The following NXNL2 variants were observed in gnomAD, a reference collection of about 807,000 sequenced individuals.
The protein encoded by NXNL2 is nucleoredoxin-like protein 2.
NXNL2 carries 7 observed loss-of-function variants against 11.1 expected under a neutral mutation model. The ratio of observed to expected loss-of-function variants is 0.63; its 90% CI spans 0.36 to 1.18. The LOEUF (loss-of-function observed/expected upper bound fraction) is 1.18. Among genes scored for constraint, NXNL2 ranks in the 50% most tolerant of loss-of-function variants. The probability of loss-of-function intolerance (pLI) is 0.02; values close to 1 mark genes in which losing one functional copy is unlikely to be tolerated. For synonymous variants in NXNL2, 109 were observed against 101.8 expected, an observed-to-expected ratio of 1.07 and a Z score of -0.42; for missense variants, 233 against 217.7, an observed-to-expected ratio of 1.07 and a Z score of -0.44.
chr9:88,535,178 A>C lies in NXNL2; in HGVS notation c.-257A>C. 1.9e-6 allele frequency: 1 copy of C among 519,960 alleles called. No individual in the cohort carries two copies. The highest frequency in any genetic ancestry group is 3.4e-6 in the Non-Finnish European group (1 of 298,334). 32.2% of individuals were successfully genotyped at this position (519,960 alleles called of 1,614,324 possible). On this transcript the variant is annotated 5_prime_UTR_variant, in exon 1 of 2. Coordinates refer to ENST00000375854, the MANE Select transcript of NXNL2 (RefSeq NM_001161625.2). ...AGGTTGCCTGGCTGGCCCCGCTCCC[A>C]GAGGCGGGTGCCGCGCTGTCGCCCA...
chr9:88,564,281 TC>T (rs1173378762), intron 1 of NXNL2, among the ~76,000 whole-genome samples: 3,704 of 126,214 alleles, frequency 0.029, 126 homozygotes, highest in East Asian at 0.089. Context: ...TATCTATCTA[TC>T]TATTATCTAT....
chr9:88,535,723 G>T lies in NXNL2; in HGVS notation c.289G>T (p.Asp97Tyr). 6.3e-7 allele frequency: 1 copy of T among 1,578,548 alleles called. No homozygotes were observed. The highest frequency in any genetic ancestry group is 2.2e-5 in the East Asian group (1 of 44,564). Residue 97 changes from aspartate (D) to tyrosine (Y), a missense_variant, in exon 1 of 2, where the codon GAC becomes TAC. By Grantham distance (160) the Asp-to-Tyr change is radical. Coordinates refer to ENST00000375854, the MANE Select transcript of NXNL2 (RefSeq NM_001161625.2). ...HGAWLALPFH[D>Y]PYRHELRKRY... ...CGCCTGGCTGGCGCTGCCCTTCCACGACCCCTACCGGCAGTGAGTGGGGGT... is the reference window on the plus strand; with the variant it reads ...CGCCTGGCTGGCGCTGCCCTTCCACTACCCCTACCGGCAGTGAGTGGGGGT...
At chr9:88,560,800 G>A (rs543191735) in intron 1 of NXNL2, among the ~76,000 whole-genome samples, 6 of 152,228 alleles carry the variant, frequency 3.9e-5, no homozygotes, top group South Asian at 2.1e-4. Flanking sequence ...AATGTTGAAC[G>A]TCACTATAGG....
chr9:88,582,435 C>G (rs1019346855), intron 1 of NXNL2, among the ~76,000 whole-genome samples: 3 of 151,968 alleles, frequency 2.0e-5, no homozygotes, highest in Admixed American at 1.3e-4. Context: ...CACCACTGCA[C>G]TCCAGCCTGG....
At chr9:88,581,331 A>G (rs1340781188) in intron 1 of NXNL2, among the ~76,000 whole-genome samples, 1 of 152,222 alleles carries the variant, frequency 6.6e-6, no homozygotes, top group Non-Finnish European at 1.5e-5. Context: ...TTCCTCATCA[A>G]TGACCTCCAA....
At chr9:88,581,265 T>G (rs1389440863) in intron 1 of NXNL2, among the ~76,000 whole-genome samples, 1 of 152,190 alleles carries the variant, frequency 6.6e-6, no homozygotes, top group Non-Finnish European at 1.5e-5. Flanking sequence ...GGGCGAAGCC[T>G]ATTTGGAGCT....
chr9:88,583,392 G>T (rs1454243641), intron 1 of NXNL2, among the ~76,000 whole-genome samples: 1 of 152,190 alleles, frequency 6.6e-6, no homozygotes, highest in East Asian at 1.9e-4. Context: ...CCAATCCATA[G>T]CTCACTCTTC....
chr9:88,545,812 C>G (rs77452808), downstream of NXNL2, among the ~76,000 whole-genome samples: 20 of 151,956 alleles, frequency 1.3e-4, no homozygotes, highest in East Asian at 3.7e-3. Context: ...TGTTGCCCAG[C>G]CTGGAGTGCA....
At position 88,535,552 on chromosome 9, in the gene NXNL2, C is replaced by A; in HGVS notation, c.118C>A (p.Pro40Thr). Residue 40 changes from proline (P) to threonine (T), a missense_variant, in exon 1 of 2, where the codon CCG becomes ACG. Physicochemically the swap from Pro to Thr is conservative, Grantham distance 38. Transcript: ENST00000375854. Reference protein sequence around the residue: ...ALYFAAARCAPSRDFTPLLCD... With the variant: ...ALYFAAARCATSRDFTPLLCD... The stretch of plus-strand genomic sequence containing the variant: ...GTACTTCGCGGCGGCCCGGTGCGCG[C>A]CGAGCCGCGACTTCACGCCGCTGCT... 1 of 1,605,116 alleles carries A rather than the reference C, an allele frequency of 6.2e-7. No homozygotes were observed.
chr9:88,546,314 C>T (rs1440711505), downstream of NXNL2, among the ~76,000 whole-genome samples: 2 of 152,028 alleles, frequency 1.3e-5, no homozygotes, highest in Non-Finnish European at 2.9e-5. Flanking sequence ...AGGCAGGGTC[C>T]ACCTCGGCTG....
chr9:88,582,622 TCCTTCCTC>T (rs1040817870), intron 1 of NXNL2, among the ~76,000 whole-genome samples: 2 of 151,812 alleles, frequency 1.3e-5, no homozygotes, highest in Admixed American at 1.3e-4. Flanking sequence ...CTTCCTTCCT[TCCTTCCTC>T]CCTCCTCCCC....
chr9:88,581,668 C>T (rs1483911287), intron 1 of NXNL2, among the ~76,000 whole-genome samples: 2 of 152,148 alleles, frequency 1.3e-5, no homozygotes, highest in Non-Finnish European at 2.9e-5. Context: ...GTTCGTCAGG[C>T]TGGTCTCAAA....
downstream of NXNL2, among the ~76,000 whole-genome samples, chr9:88,546,129 T>C (rs916889970): frequency 2.0e-5 from 3 of 148,100 alleles, no homozygotes; most frequent in South Asian, 6.4e-4. Flanking sequence ...GCATGTAGAG[T>C]ATCCATAAAC....
At chr9:88,536,699 A>C (rs1241796801) in intron 1 of NXNL2, among the ~76,000 whole-genome samples, 1 of 152,248 alleles carries the variant, frequency 6.6e-6, no homozygotes, top group Non-Finnish European at 1.5e-5. Context: ...CTAACTTTGG[A>C]AAGTTTTGTA....
At chr9:88,583,122 G>A (rs868040657) in intron 1 of NXNL2, among the ~76,000 whole-genome samples, 8 of 152,208 alleles carry the variant, frequency 5.3e-5, no homozygotes, top group Admixed American at 1.3e-4. Context: ...GCTCTCTGTG[G>A]CCTCTTATCC....
intron 1 of NXNL2, among the ~76,000 whole-genome samples, chr9:88,583,475 G>T (rs574229154): frequency 3.3e-5 from 5 of 152,128 alleles, no homozygotes; most frequent in Non-Finnish European, 5.9e-5. Flanking sequence ...CCATCACCCC[G>T]CTGGTCTCTG....
intron 1 of NXNL2, among the ~76,000 whole-genome samples, chr9:88,582,589 ATCCTTCCT>A (rs111448954): frequency 2.6e-5 from 4 of 151,148 alleles, no homozygotes; most frequent in Non-Finnish European, 3.0e-5. Context: ...GCTTAAAACA[ATCCTTCCT>A]TCCTTCCTTC....
At chr9:88,571,960 A>T (rs1461203203) in intron 2 of NXNL2, among the ~76,000 whole-genome samples, 1 of 152,158 alleles carries the variant, frequency 6.6e-6, no homozygotes, top group Non-Finnish European at 1.5e-5. Flanking sequence ...GCCCATGTTT[A>T]TCTCTTCCTT....
At chr9:88,566,918 C>A (rs1564075482) in intron 1 of NXNL2, among the ~76,000 whole-genome samples, 1 of 152,072 alleles carries the variant, frequency 6.6e-6, no homozygotes, top group Non-Finnish European at 1.5e-5. Context: ...ATCTATCTAT[C>A]TATCTATCTA....
Sources: gnomAD v4.1 joint callset for allele counts (sites outside exome capture counted in the v4.1 genomes callset) on GRCh38, gnomAD v4.1.1 for gene constraint, MANE v1.5 for transcripts, NCBI Gene and HGNC (gene_info 2026-07-23, HGNC 2026-07-21) for gene names.